Variants in CLASP1 observed in about 807,000 individuals in gnomAD.
CLASP1 encodes the protein cytoplasmic linker associated protein 1, also known as CLIP-associating protein 1.
In CLASP1, 38 loss-of-function variants were observed where a neutral mutation model predicts 192.3. The ratio of observed to expected loss-of-function variants is 0.20; its 90% CI spans 0.15 to 0.26. The LOEUF is 0.26. Among genes scored for constraint, CLASP1 ranks in the 10% least tolerant of loss-of-function variants. The pLI is 1.00. For missense variants in CLASP1, 1,433 were observed against 1,932.5 expected (o/e 0.74, Z 4.85); for synonymous variants, 691 against 712.8 (o/e 0.97, Z 0.49).
intron 37 of CLASP1, among the ~76,000 whole-genome samples, chr2:121,348,945 GA>G (rs1337404007): frequency 6.6e-6 from 1 of 152,088 alleles, no homozygotes; most frequent in Non-Finnish European, 1.5e-5. Flanking sequence ...AAAAACCTTA[GA>G]AAAGTGGTAC....
chr2:121,563,706 C>T (rs2059282666), intron 2 of CLASP1, among the ~76,000 whole-genome samples: 1 of 152,190 alleles, frequency 6.6e-6, no homozygotes, highest in African/African-American at 2.4e-5. Context: ...TTACCTCCCA[C>T]TCTTATCTAA....
Position 121,447,203 on chromosome 2 carries a change from A to T in CLASP1, c.1912+134T>A, listed in dbSNP as rs1224066067. The T allele has an allele frequency of 9.9e-6, 8 of 808,880 alleles. No individual in the cohort carries two copies. The East Asian group carries it at 2.1e-4, about 22-fold the overall frequency. 50.1% of individuals were successfully genotyped at this position (808,880 alleles called of 1,614,324 possible). A position where few individuals can be genotyped will look rare whatever the true frequency, so the allele number is the denominator to read the frequency against. ...TGGCTGATCAGCAGCAAGTGCACGA[A>T]GCTACTTAGATTTAAATAGTAGCCC... On this transcript the variant is annotated intron_variant, in intron 19 of 39. Transcript: ENST00000263710.
chr2:121,502,721 T>C (rs1229554174), intron 8 of CLASP1, among the ~76,000 whole-genome samples: 2 of 152,148 alleles, frequency 1.3e-5, no homozygotes, highest in African/African-American at 4.8e-5. Context: ...GGGAAGTCTT[T>C]GGAGGATTAG....
intron 8 of CLASP1, among the ~76,000 whole-genome samples, chr2:121,482,517 A>G (rs1272646464): frequency 6.6e-6 from 1 of 152,196 alleles, no homozygotes; most frequent in Non-Finnish European, 1.5e-5. Context: ...CTCTAAACAT[A>G]TGTCAGAAAG....
chr2:121,345,194 A>G (rs1314104129), intron 39 of CLASP1, among the ~76,000 whole-genome samples: 1 of 152,186 alleles, frequency 6.6e-6, no homozygotes, highest in East Asian at 1.9e-4. Context: ...CTGGGCTACG[A>G]AAGCAGAAAG....
chr2:121,430,106 G>A, exon 20 of CLASP1: 1 of 1,574,802 alleles, frequency 6.3e-7, no homozygotes, highest in Non-Finnish European at 8.6e-7. Context: ...GCGCGACTGC[G>A]GCCCCGGTTA....
At chr2:121,346,056 C>A (rs78502365) in intron 39 of CLASP1, among the ~76,000 whole-genome samples, 1 of 152,206 alleles carries the variant, frequency 6.6e-6, no homozygotes, top group South Asian at 2.1e-4. Flanking sequence ...TTAATGCTCA[C>A]CAGCTGTATC....
chr2:121,419,578 C>T (rs550695445), intron 22 of CLASP1, among the ~76,000 whole-genome samples: 75 of 152,040 alleles, frequency 4.9e-4, no homozygotes, highest in African/African-American at 6.5e-4. Context: ...TGATTATCTA[C>T]GGCTAAAGTT....
chr2:121,583,583 A>G (rs2061429495), intron 2 of CLASP1, among the ~76,000 whole-genome samples: 1 of 151,988 alleles, frequency 6.6e-6, no homozygotes, highest in Non-Finnish European at 1.5e-5. Flanking sequence ...TTTCTAATTC[A>G]CTCTTGACTT....
rs918477583 is a variant in CLASP1 at position 121,609,974 on chromosome 2, A to C, written c.-285-3794T>G. 3.9e-5 allele frequency among the ~76,000 whole-genome samples: 6 copies of C among 152,118 alleles called. No individual in the cohort carries two copies. The South Asian group carries it at 1.2e-3, about 31-fold the overall frequency. ...AAATAAAAATTAAGCAAGTAATGTC[A>C]CCAGTTTCCCATGTATCTTTTCAGA... On this transcript the variant is annotated intron_variant, in intron 1 of 39. Transcript: ENST00000263710.
intron 37 of CLASP1, among the ~76,000 whole-genome samples, chr2:121,352,794 C>A (rs1454149024): frequency 6.6e-6 from 1 of 152,230 alleles, no homozygotes; most frequent in Non-Finnish European, 1.5e-5. Flanking sequence ...GCTGGGATTA[C>A]AGGTGCGTGC....
chr2:121,497,923 C>T (rs1348772820), intron 8 of CLASP1, among the ~76,000 whole-genome samples: 2 of 152,124 alleles, frequency 1.3e-5, no homozygotes, highest in African/African-American at 4.8e-5. Flanking sequence ...GATGGGGCTT[C>T]ACCATGTTAG....
intron 1 of CLASP1, among the ~76,000 whole-genome samples, chr2:121,630,751 C>T (rs113944742): frequency 0.039 from 5,837 of 151,588 alleles, 157 homozygotes; most frequent in East Asian, 0.14. Context: ...GTAATCCCAG[C>T]TACTCAAAAG....
At chr2:121,417,751 T>C (rs974270581) in intron 23 of CLASP1, among the ~76,000 whole-genome samples, 3 of 152,202 alleles carry the variant, frequency 2.0e-5, no homozygotes, top group African/African-American at 7.2e-5. Flanking sequence ...TCAGAAGAAG[T>C]GAATAACATT....
exon 40 of CLASP1, chr2:121,339,157 A>ACACACG (rs1378629585): frequency 2.0e-5 from 3 of 153,664 alleles, no homozygotes; most frequent in East Asian, 3.8e-4. Context: ...ACACACACAC[A>ACACACG]CACACACACA....
chr2:121,410,799 TTAG>T, intron 24 of CLASP1, 64 bp downstream of exon 25: 1 of 948,962 alleles, frequency 1.1e-6, no homozygotes, highest in Non-Finnish European at 1.6e-6. Flanking sequence ...CAATTTCCTG[TTAG>T]GACAGAGAGA....
intron 8 of CLASP1, among the ~76,000 whole-genome samples, chr2:121,486,345 CAAACTGATGACTGA>C (rs1254237680): frequency 1.3e-5 from 2 of 152,144 alleles, no homozygotes; most frequent in Non-Finnish European, 2.9e-5. Context: ...ATAAAGTTTG[CAAACTGATGACTGA>C]AAACTGAGAC....
chr2:121,403,096 T>A (rs1381917898), intron 26 of CLASP1, among the ~76,000 whole-genome samples: 2 of 152,182 alleles, frequency 1.3e-5, no homozygotes, highest in African/African-American at 4.8e-5. Context: ...CCTCCCAAAG[T>A]GCTGGGATTA....
Position 121,479,124 on chromosome 2 carries a change from A to T in CLASP1, c.713-9164T>A, listed in dbSNP as rs553529132. Among the ~76,000 whole-genome samples the T allele has an allele frequency of 6.8e-5, 10 of 147,666 alleles. No individual in the cohort carries two copies. In the South Asian group the frequency reaches 2.2e-3, roughly 32 times the overall value. ...GGATGCTTTCCCCCTAAGACCAAGA[A>T]CAAGGGAAGATGTTTACTCTCACTA... On this transcript the variant is annotated intron_variant, in intron 8 of 39. Coordinates refer to ENST00000263710, the Ensembl canonical transcript of CLASP1.
Sources: gnomAD v4.1 joint callset for allele counts (sites outside exome capture counted in the v4.1 genomes callset) on GRCh38, gnomAD v4.1.1 for gene constraint, MANE v1.5 for transcripts, NCBI Gene and HGNC (gene_info 2026-07-23, HGNC 2026-07-21) for gene names.